Variants in ITPRIPL1 observed in about 807,000 individuals in gnomAD.
The protein encoded by ITPRIPL1 is ITPRIP like 1.
In ITPRIPL1, 28 loss-of-function variants were observed where a neutral mutation model predicts 40.0. The ratio of observed to expected loss-of-function variants is 0.70; its 90% CI spans 0.52 to 0.96. The LOEUF (loss-of-function observed/expected upper bound fraction) is 0.96. Ranked by LOEUF, ITPRIPL1 falls within the 40% of genes least tolerant of loss-of-function variation. ITPRIPL1 has a pLI of 0.00. For missense variants in ITPRIPL1, 638 were observed against 698.0 expected (o/e 0.91, Z 0.97); for synonymous variants, 251 against 275.7 (o/e 0.91, Z 0.89).
chr2:96,325,552 T>C lies in ITPRIPL1; in HGVS notation c.-107T>C, dbSNP rs999879035. On this transcript the variant is annotated 5_prime_UTR_variant, in exon 1 of 3. Transcript: ENST00000439118. ...CGCTGTCTCTTTAAGATCGTGTTCCTACTAACACTGACGGTGAGTAACCTG... is the reference window on the plus strand; with the variant it reads ...CGCTGTCTCTTTAAGATCGTGTTCCCACTAACACTGACGGTGAGTAACCTG... 1 of 556,516 alleles carries C rather than the reference T, an allele frequency of 1.8e-6. No individual in the cohort carries two copies. The highest frequency in any genetic ancestry group is 3.2e-6 in the Non-Finnish European group (1 of 309,220). The allele number at this position is 556,516 out of a possible 1,614,324, so 34.5% of individuals were successfully genotyped here.
chr2:96,326,106 G>C (rs536337049), intron 2 of ITPRIPL1: 2 of 1,403,998 alleles, frequency 1.4e-6, no homozygotes, highest in African/African-American at 1.4e-5. Flanking sequence ...GGGCAGAGAG[G>C]GAGAGGCTGA....
At chr2:96,326,564 A>AG (rs776556104) in intron 2 of ITPRIPL1, 78 bp from the exon 3 acceptor site, 2 of 1,593,374 alleles carry the variant, frequency 1.3e-6, no homozygotes, top group Middle Eastern at 1.7e-4. Context: ...TTGGGGTACC[A>AG]GGGCTCTGGG....
downstream of ITPRIPL1, chr2:96,330,111 G>C (rs1344472736): frequency 1.3e-5 from 2 of 151,948 alleles, no homozygotes; most frequent in African/African-American, 4.8e-5. Flanking sequence ...GGGCATGGTG[G>C]CATATACCTG....
chr2:96,326,209 A>G, intron 2 of ITPRIPL1: 4 of 1,447,220 alleles, frequency 2.8e-6, no homozygotes, highest in Non-Finnish European at 3.7e-6. Context: ...GGGGCAGAGG[A>G]AAGGTGTCAC....
Position 96,326,747 on chromosome 2 carries a change from C to CCA in ITPRIPL1, c.117_118dup (p.Arg40ThrfsTer10). On this transcript the variant is annotated frameshift_variant, in exon 3 of 3. Coordinates refer to ENST00000439118, the MANE Select transcript of ITPRIPL1 (RefSeq NM_001008949.3). LOFTEE classifies it high-confidence loss of function. ...GATCGGATGGACCTGGACACATTAG[C>CCA]CAGGAGTCGGCAGCTGGAGAAGCGA... 2 of 1,614,238 alleles carry CCA rather than the reference C, an allele frequency of 1.2e-6. No homozygotes were observed. The highest frequency in any genetic ancestry group is 1.7e-6 in the Non-Finnish European group (2 of 1,180,038).
chr2:96,328,332 G>A lies in ITPRIPL1; in HGVS notation c.*33G>A. On this transcript the variant is annotated 3_prime_UTR_variant, in exon 3 of 3. Coordinates refer to ENST00000439118, the MANE Select transcript of ITPRIPL1 (RefSeq NM_001008949.3). ...ACCATTAAAAAAAAAACAGAGGAAG[G>A]TATTTCTAATTCCTTGGGCTACAAA... 3.2e-6 allele frequency: 5 copies of A among 1,564,878 alleles called. No homozygotes were observed. Among genetic ancestry groups the A allele is most frequent in the Non-Finnish European group, 3.5e-6 (4 of 1,157,504 alleles).
Position 96,326,863 on chromosome 2 carries a change from G to C in ITPRIPL1, c.232G>C (p.Gly78Arg). 1 of 1,614,246 alleles carries C rather than the reference G, an allele frequency of 6.2e-7. No individual in the cohort carries two copies. The highest frequency in any genetic ancestry group is 8.5e-7 in the Non-Finnish European group (1 of 1,180,042). ...QRQKAENFWTGDTSSDQLVLG... is the reference protein window; with the variant it reads ...QRQKAENFWTRDTSSDQLVLG... ...GCAGAAGGCAGAGAACTTCTGGACA[G>C]GAGACACATCCAGTGACCAGTTAGT... is the stretch of plus-strand genomic sequence containing the variant. Residue 78 changes from glycine (G) to arginine (R), a missense_variant, in exon 3 of 3, where the codon GGA becomes CGA. Gly to Arg is a moderately radical substitution (Grantham distance 125). Transcript: ENST00000439118.
chr2:96,328,101 C>A lies in ITPRIPL1; in HGVS notation c.1470C>A (p.Leu490=). The part of the protein sequence containing the change: ...FLGRGLQQRS[L]HHFLIGNNFL... ...GCCGTGGCCTCCAGCAAAGGTCCCT[C>A]CATCATTTCCTCATTGGTAACAATT... Residue 490 remains leucine (L), a synonymous_variant, in exon 3 of 3, where the codon CTC becomes CTA. Coordinates refer to ENST00000439118, the MANE Select transcript of ITPRIPL1 (RefSeq NM_001008949.3). 6.2e-7 allele frequency: 1 copy of A among 1,614,176 alleles called. No homozygotes were observed. Among genetic ancestry groups the A allele is most frequent in the Non-Finnish European group, 8.5e-7 (1 of 1,180,036 alleles).
downstream of ITPRIPL1, chr2:96,328,486 G>A (rs141620995): frequency 0.011 from 6,264 of 570,078 alleles, 52 homozygotes; most frequent in Middle Eastern, 0.017. Flanking sequence ...GCAGGGCCTA[G>A]TCAAGGATGG....
intron 2 of ITPRIPL1, chr2:96,326,266 T>G: frequency 6.9e-7 from 1 of 1,440,980 alleles, no homozygotes; most frequent in Non-Finnish European, 9.2e-7. Flanking sequence ...GCCTCTGGGA[T>G]CAGCAGGTCA....
chr2:96,326,423 G>T, intron 2 of ITPRIPL1: 1 of 1,549,656 alleles, frequency 6.5e-7, no homozygotes, highest in East Asian at 2.3e-5. Context: ...AAGGAAAGCA[G>T]GAGAGAGACT....
In ITPRIPL1 at chr2:96,328,322, A is replaced by C. The variant is rs1311743856; in HGVS notation, c.*23A>C. 2.5e-6 allele frequency: 4 copies of C among 1,570,970 alleles called. No homozygotes were observed. In the South Asian group the frequency reaches 4.7e-5, roughly 19 times the overall value. On this transcript the variant is annotated 3_prime_UTR_variant, in exon 3 of 3. Transcript: ENST00000439118. ...TGATGTAAAGACCATTAAAAAAAAA[A>C]CAGAGGAAGGTATTTCTAATTCCTT...
At position 96,327,298 on chromosome 2, in the gene ITPRIPL1, T is replaced by C. The variant is rs753719371; in HGVS notation, c.667T>C (p.Phe223Leu). 6.2e-7 allele frequency: 1 copy of C among 1,614,090 alleles called. No homozygotes were observed. The highest frequency in any genetic ancestry group is 1.7e-5 in the Admixed American group (1 of 60,006). ...LEDCLGIGAA[F>L]EKWGTLHETQ... ...AGACTGCCTGGGCATCGGGGCTGCCTTTGAGAAATGGGGAACCCTCCATGA... is the reference window on the plus strand; with the variant it reads ...AGACTGCCTGGGCATCGGGGCTGCCCTTGAGAAATGGGGAACCCTCCATGA... Residue 223 changes from phenylalanine to leucine, a missense_variant, in exon 3 of 3, where the codon TTT (phenylalanine) becomes CTT (leucine). Physicochemically the swap from Phe to Leu is conservative, Grantham distance 22. Transcript: ENST00000439118.
chr2:96,330,136 C>A (rs985300125), downstream of ITPRIPL1: 3 of 148,884 alleles, frequency 2.0e-5, no homozygotes, highest in East Asian at 4.0e-4. Context: ...CCCTGCTACT[C>A]TGGAGGTTGA....
At position 96,327,522 on chromosome 2, in the gene ITPRIPL1, G is replaced by C; in HGVS notation, c.891G>C (p.Gly297=). 1 of 1,614,054 alleles carries C rather than the reference G, an allele frequency of 6.2e-7. No individual in the cohort carries two copies. Among genetic ancestry groups the C allele is most frequent in the Non-Finnish European group, 8.5e-7 (1 of 1,179,994 alleles). Reference sequence around the variant, plus strand: ...ACAGGGACCCCTCGGCAGTCTTGGGGAAGTGTAGTAGCTCCATCAAGGCAG... The same window carrying C: ...ACAGGGACCCCTCGGCAGTCTTGGGCAAGTGTAGTAGCTCCATCAAGGCAG... ...HHHRDPSAVL[G]KCSSSIKAAL... Residue 297 remains glycine (G), a synonymous_variant, in exon 3 of 3, where the codon GGG becomes GGC. Transcript: ENST00000439118.
chr2:96,329,261 T>TA (rs1228988744), downstream of ITPRIPL1: 2 of 149,202 alleles, frequency 1.3e-5, no homozygotes, highest in East Asian at 1.9e-4. Context: ...GAGTTGTTTT[T>TA]ATGCATCTGA....
downstream of ITPRIPL1, chr2:96,328,380 C>A: frequency 7.1e-7 from 1 of 1,412,044 alleles, no homozygotes; most frequent in Non-Finnish European, 9.7e-7. Flanking sequence ...TCAGATATAT[C>A]AGTGGTATAT....
At chr2:96,326,093 C>T (rs1460137715) in intron 2 of ITPRIPL1, 1 of 1,358,106 alleles carries the variant, frequency 7.4e-7, no homozygotes, top group African/African-American at 1.4e-5. Flanking sequence ...TCTTGCGCTC[C>T]CTGGGCAGAG....
chr2:96,330,368 G>A (rs529697590), downstream of ITPRIPL1: 3 of 149,418 alleles, frequency 2.0e-5, no homozygotes, highest in African/African-American at 7.4e-5. Flanking sequence ...GTCAGGTACC[G>A]CTTTCAATGC....
Sources: gnomAD v4.1 joint callset for allele counts on GRCh38, gnomAD v4.1.1 for gene constraint, MANE v1.5 for transcripts, NCBI Gene and HGNC (gene_info 2026-07-23, HGNC 2026-07-21) for gene names.